ALOX5AP: variants seen among roughly 807,000 people sequenced by gnomAD.
ALOX5AP encodes arachidonate 5-lipoxygenase-activating protein.
ALOX5AP carries 9 observed loss-of-function variants against 18.5 expected under a neutral mutation model. That is an observed-to-expected ratio of 0.49 (90% confidence interval 0.29 to 0.85). The LOEUF (loss-of-function observed/expected upper bound fraction) is 0.85, where lower values mean the gene tolerates loss of function less well. Among genes scored for constraint, ALOX5AP ranks in the 40% least tolerant of loss-of-function variants. ALOX5AP has a pLI of 0.08. For synonymous variants in ALOX5AP, 81 were observed against 78.6 expected (o/e 1.03, Z -0.16); for missense variants, 172 against 202.5 (o/e 0.85, Z 0.91).
At chr13:30,743,937 A>G (rs1042657496) in intron 1 of ALOX5AP, 123 bp from the exon 2 acceptor site, 2 of 710,704 alleles carry the variant, frequency 2.8e-6, no homozygotes, top group African/African-American at 3.5e-5. Context: ...CAGTTGATGG[A>G]GGACATTTAG....
At position 30,713,912 on chromosome 13, in the gene ALOX5AP, G is replaced by A; in HGVS notation, c.116+71G>A. ...ACCATGCCTCCTACAAATTTGACCT[G>A]GGCCCAGGGCCATGTTCGGTGGTTT... On this transcript the variant is annotated intron_variant, in intron 1 of 5. Transcript: ENST00000617770. The A allele has an allele frequency of 2.7e-6, 4 of 1,481,874 alleles. No individual in the cohort carries two copies. In the Admixed American group the frequency reaches 8.2e-5, roughly 30 times the overall value. The allele number at this position is 1,481,874 out of a possible 1,614,324, so 91.8% of individuals were successfully genotyped here.
At chr13:30,713,876 G>A (rs1384183255) in intron 1 of ALOX5AP, 8 of 1,528,002 alleles carry the variant, frequency 5.2e-6, no homozygotes, top group Non-Finnish European at 7.0e-6. Flanking sequence ...GCGCATGTGT[G>A]TGCATCTTCT....
chr13:30,749,242 C>A (rs2137819618), intron 2 of ALOX5AP, among the ~76,000 whole-genome samples: 1 of 152,258 alleles, frequency 6.6e-6, no homozygotes, highest in Non-Finnish European at 1.5e-5. Context: ...TTCTAATGAG[C>A]AAATCCCTTA....
intron 1 of ALOX5AP, among the ~76,000 whole-genome samples, chr13:30,719,567 C>T (rs1038842660): frequency 5.9e-5 from 9 of 152,220 alleles, no homozygotes; most frequent in South Asian, 2.1e-4. Flanking sequence ...TTGTTACAAT[C>T]CTTCATAAAA....
intron 1 of ALOX5AP, among the ~76,000 whole-genome samples, chr13:30,739,800 C>A (rs1261502707): frequency 6.6e-6 from 1 of 152,158 alleles, no homozygotes; most frequent in Non-Finnish European, 1.5e-5. Context: ...GGTTGAAAGT[C>A]CCAAGGTCAG....
intron 1 of ALOX5AP, among the ~76,000 whole-genome samples, chr13:30,729,988 G>C (rs768361263): frequency 3.9e-5 from 6 of 152,226 alleles, no homozygotes; most frequent in Non-Finnish European, 7.3e-5. Context: ...GTGAGTTTGT[G>C]ATGGGAAAAG....
intron 1 of ALOX5AP, among the ~76,000 whole-genome samples, chr13:30,730,206 T>C (rs976285978): frequency 6.6e-6 from 1 of 152,240 alleles, no homozygotes; most frequent in Non-Finnish European, 1.5e-5. Context: ...TCACTATCTT[T>C]GTTTCTTCAG....
At chr13:30,721,988 C>A (rs1208631112) in intron 1 of ALOX5AP, among the ~76,000 whole-genome samples, 1 of 152,176 alleles carries the variant, frequency 6.6e-6, no homozygotes, top group Non-Finnish European at 1.5e-5. Context: ...AGTTGACTAC[C>A]CAAAATGTTT....
chr13:30,731,105 G>T (rs566242437), upstream of ALOX5AP, among the ~76,000 whole-genome samples: 32 of 152,290 alleles, frequency 2.1e-4, no homozygotes, highest in African/African-American at 7.2e-4. Flanking sequence ...GTCAGATGTC[G>T]TGGGGATATG....
intron 2 of ALOX5AP, among the ~76,000 whole-genome samples, chr13:30,745,420 C>T (rs1334396630): frequency 6.6e-6 from 1 of 152,126 alleles, no homozygotes; most frequent in Non-Finnish European, 1.5e-5. Flanking sequence ...TCAGACAGCC[C>T]CTGAGTACTC....
At chr13:30,761,292 ACCTG>A (rs1323155684) in intron 4 of ALOX5AP, among the ~76,000 whole-genome samples, 2 of 152,134 alleles carry the variant, frequency 1.3e-5, no homozygotes, top group Non-Finnish European at 2.9e-5. Flanking sequence ...AAAAAATCCT[ACCTG>A]AATTGAAGAG....
At chr13:30,740,220 C>A (rs1245319420) in intron 1 of ALOX5AP, among the ~76,000 whole-genome samples, 1 of 152,136 alleles carries the variant, frequency 6.6e-6, no homozygotes, top group Non-Finnish European at 1.5e-5. Flanking sequence ...TTTTTGAGAA[C>A]TATGTGTCAT....
At chr13:30,760,716 T>C (rs914836317) in intron 4 of ALOX5AP, among the ~76,000 whole-genome samples, 3 of 152,136 alleles carry the variant, frequency 2.0e-5, no homozygotes, top group African/African-American at 7.2e-5. Context: ...CTCTTTTCTG[T>C]TTGCCTAGAT....
At chr13:30,749,248 C>G (rs1477205682) in intron 2 of ALOX5AP, among the ~76,000 whole-genome samples, 4 of 152,136 alleles carry the variant, frequency 2.6e-5, no homozygotes, top group Non-Finnish European at 5.9e-5. Context: ...TGAGCAAATC[C>G]CTTAGACAAT....
At chr13:30,753,424 G>A (rs781043400) in intron 3 of ALOX5AP, among the ~76,000 whole-genome samples, 18 of 152,156 alleles carry the variant, frequency 1.2e-4, no homozygotes, top group Admixed American at 5.9e-4. Flanking sequence ...AGATGAATGC[G>A]GACTTGCTGT....
At chr13:30,757,563 G>A (rs1448463711) in intron 4 of ALOX5AP, among the ~76,000 whole-genome samples, 1 of 152,140 alleles carries the variant, frequency 6.6e-6, no homozygotes, top group African/African-American at 2.4e-5. Flanking sequence ...GGGGTGGAAT[G>A]TCTAGCAATG....
intron 2 of ALOX5AP, among the ~76,000 whole-genome samples, chr13:30,749,788 A>G (rs1444848272): frequency 6.6e-6 from 1 of 152,114 alleles, no homozygotes; most frequent in Non-Finnish European, 1.5e-5. Context: ...TGTTACCTTC[A>G]TAGACTTCTC....
intron 2 of ALOX5AP, chr13:30,744,429 A>C (rs911806787): frequency 2.9e-6 from 1 of 345,282 alleles, no homozygotes; most frequent in Non-Finnish European, 5.5e-6. Context: ...GATCTGAAAG[A>C]GTCATTTGGT....
At chr13:30,751,971 T>C (rs1951855341) in intron 2 of ALOX5AP, 81 bp from the exon 3 acceptor site, 8 of 1,333,858 alleles carry the variant, frequency 6.0e-6, no homozygotes, top group Non-Finnish European at 8.6e-6. Context: ...GATTATTAAC[T>C]TCAACTTTCA....
Sources: gnomAD v4.1 joint callset for allele counts (sites outside exome capture counted in the v4.1 genomes callset) on GRCh38, gnomAD v4.1.1 for gene constraint, MANE v1.5 for transcripts, NCBI Gene and HGNC (gene_info 2026-07-23, HGNC 2026-07-21) for gene names.